The following PIP4K2A variants were observed in gnomAD, a reference collection of about 807,000 sequenced individuals.
PIP4K2A encodes the protein phosphatidylinositol-5-phosphate 4-kinase type 2 alpha.
A neutral mutation model predicts 42.9 loss-of-function variants in PIP4K2A; 14 were observed. The ratio of observed to expected loss-of-function variants is 0.33; its 90% confidence interval spans 0.22 to 0.51. PIP4K2A has a LOEUF of 0.51. Ranked by LOEUF, PIP4K2A falls within the 20% of genes least tolerant of loss-of-function variation. The probability of loss-of-function intolerance (pLI) is 0.97; values close to 1 mark genes in which losing one functional copy is unlikely to be tolerated. For missense variants in PIP4K2A, 434 were observed against 519.8 expected (o/e 0.83, Z 1.61); for synonymous variants, 192 against 192.2 (o/e 1.00, Z 0.01).
At chr10:22,571,551 G>A (rs927895411) in intron 5 of PIP4K2A, among the ~76,000 whole-genome samples, 1 of 152,100 alleles carries the variant, frequency 6.6e-6, no homozygotes, top group African/African-American at 2.4e-5. Flanking sequence ...GTTCCAAATG[G>A]CAAGTGCATG....
chr10:22,557,439 A>G (rs935597592), intron 6 of PIP4K2A, among the ~76,000 whole-genome samples: 4 of 152,348 alleles, frequency 2.6e-5, no homozygotes, highest in South Asian at 2.1e-4. Flanking sequence ...TGTGTTTACC[A>G]AAAGAGTTAA....
chr10:22,557,779 G>A (rs1836587853), intron 6 of PIP4K2A, among the ~76,000 whole-genome samples: 1 of 152,114 alleles, frequency 6.6e-6, no homozygotes, highest in South Asian at 2.1e-4. Context: ...CCAACAGTAT[G>A]GGTAAATGGC....
intron 5 of PIP4K2A, among the ~76,000 whole-genome samples, chr10:22,569,840 T>C (rs1420980165): frequency 6.6e-6 from 1 of 151,022 alleles, no homozygotes; most frequent in Non-Finnish European, 1.5e-5. Context: ...TTAAAAAAAA[T>C]AGAAAAGGAA....
At chr10:22,640,460 G>C (rs1007373704) in intron 1 of PIP4K2A, among the ~76,000 whole-genome samples, 1 of 152,180 alleles carries the variant, frequency 6.6e-6, no homozygotes, top group Non-Finnish European at 1.5e-5. Context: ...TGCATGTGAA[G>C]CATGAAGGGG....
intron 3 of PIP4K2A, among the ~76,000 whole-genome samples, chr10:22,603,529 A>G (rs1245127773): frequency 6.6e-6 from 1 of 152,192 alleles, no homozygotes; most frequent in East Asian, 1.9e-4. Context: ...GAAGAACATT[A>G]CAAATCAAGA....
At chr10:22,638,079 A>G (rs1288876022) in intron 1 of PIP4K2A, among the ~76,000 whole-genome samples, 1 of 152,196 alleles carries the variant, frequency 6.6e-6, no homozygotes, top group Non-Finnish European at 1.5e-5. Context: ...CAAAGAACAC[A>G]GTGGAATTTG....
chr10:22,640,563 A>G (rs926388881), intron 1 of PIP4K2A, among the ~76,000 whole-genome samples: 3 of 152,166 alleles, frequency 2.0e-5, no homozygotes, highest in Admixed American at 1.3e-4. Context: ...GCTGTGTAGC[A>G]GGGTGGAGTG....
chr10:22,587,686 C>T (rs763249303), intron 4 of PIP4K2A, among the ~76,000 whole-genome samples: 4 of 152,142 alleles, frequency 2.6e-5, no homozygotes, highest in Non-Finnish European at 5.9e-5. Flanking sequence ...CAGTAATATT[C>T]ATCAAAATCT....
chr10:22,635,799 A>T (rs1460246918), intron 1 of PIP4K2A, among the ~76,000 whole-genome samples: 4 of 152,202 alleles, frequency 2.6e-5, no homozygotes, highest in Non-Finnish European at 5.9e-5. Flanking sequence ...ATGCAGGACC[A>T]AGCAACAGGT....
intron 1 of PIP4K2A, among the ~76,000 whole-genome samples, chr10:22,688,943 C>T (rs1839810623): frequency 6.6e-6 from 1 of 152,198 alleles, no homozygotes; most frequent in African/African-American, 2.4e-5. Flanking sequence ...TATAATTTAT[C>T]ACCCATCTCA....
chr10:22,546,090 CAA>C (rs1327743537), intron 7 of PIP4K2A, among the ~76,000 whole-genome samples: 12 of 152,338 alleles, frequency 7.9e-5, no homozygotes, highest in South Asian at 2.1e-4. Flanking sequence ...ATTCAAGAAA[CAA>C]AGAGTCTGAT....
chr10:22,600,232 C>G (rs1197110938), intron 3 of PIP4K2A, among the ~76,000 whole-genome samples: 1 of 151,750 alleles, frequency 6.6e-6, no homozygotes, highest in African/African-American at 2.4e-5. Flanking sequence ...CGTTTGTATA[C>G]ATTCTGCTAA....
Position 22,611,412 on chromosome 10 carries a change from C to CA in PIP4K2A, c.145-1696dup, listed in dbSNP as rs1389547171. On this transcript the variant is annotated intron_variant, in intron 1 of 9. Transcript: ENST00000376573. ...CTGTTAAACAAAAAACAAACAACAA[C>CA]AACAAAAAAAAAACAAAAAAAAGCA... Among the ~76,000 whole-genome samples the CA allele has an allele frequency of 5.9e-3, 399 of 68,036 alleles. 1 individual carries two copies. Among genetic ancestry groups the CA allele is most frequent in the Admixed American group, 8.2e-3 (45 of 5,464 alleles). 44.6% of individuals were successfully genotyped at this position (68,036 alleles called of 152,430 possible).
rs542162413 is a variant in PIP4K2A, at chr10:22,645,232, G to C, written c.145-35515C>G. Among the ~76,000 whole-genome samples the C allele has an allele frequency of 2.9e-3, 436 of 152,308 alleles. 3 individuals carry two copies. The highest frequency in any genetic ancestry group is 6.8e-3 in the Middle Eastern group (2 of 294). ...TTAATGCTCACGTATAACACCACTA[G>C]TGTGTCTGGTTAGTTATTAAAAATG... On this transcript the variant is annotated intron_variant, in intron 1 of 9. Transcript: ENST00000376573.
At chr10:22,574,342 C>G (rs191752592) in intron 4 of PIP4K2A, among the ~76,000 whole-genome samples, 2 of 152,126 alleles carry the variant, frequency 1.3e-5, no homozygotes, top group African/African-American at 4.8e-5. Context: ...GATTCCATTA[C>G]TGTAAACACC....
chr10:22,616,227 AG>A (rs1283455089), intron 1 of PIP4K2A, among the ~76,000 whole-genome samples: 1 of 152,064 alleles, frequency 6.6e-6, no homozygotes, highest in Non-Finnish European at 1.5e-5. Context: ...TGGCAGGGAG[AG>A]GGAGGAAGCC....
rs1244657281 is a variant in PIP4K2A, at chr10:22,664,146, TATATACAC to T, written c.144+50029_144+50036del. Among the ~76,000 whole-genome samples, 73 of 26,274 alleles carry T rather than the reference TATATACAC, an allele frequency of 2.8e-3. 1 individual carries two copies. The highest frequency in any genetic ancestry group is 6.3e-3 in the East Asian group (9 of 1,430). The allele number at this position is 26,274 out of a possible 152,430, so 17.2% of individuals were successfully genotyped here. Reference sequence around the variant, plus strand: ...ATATATATACATATATATATACATATATATACACATATATATATATACATATATATATA... The same window carrying T: ...ATATATATACATATATATATACATATATATATATATATACATATATATATA... On this transcript the variant is annotated intron_variant, in intron 1 of 9. Coordinates refer to ENST00000376573, the MANE Select transcript of PIP4K2A (RefSeq NM_005028.5).
intron 4 of PIP4K2A, among the ~76,000 whole-genome samples, chr10:22,576,257 C>T (rs756683750): frequency 7.9e-5 from 12 of 152,166 alleles, no homozygotes; most frequent in African/African-American, 1.2e-4. Context: ...AGTGGAGGAA[C>T]ATTTAACTGG....
intron 6 of PIP4K2A, among the ~76,000 whole-genome samples, chr10:22,562,082 C>A (rs150783211): frequency 2.9e-4 from 44 of 152,122 alleles, no homozygotes; most frequent in African/African-American, 1.0e-3. Context: ...TTTTCCCCCC[C>A]GATGTCTGAT....
Sources: allele counts gnomAD v4.1 joint callset (sites outside exome capture counted in the v4.1 genomes callset), GRCh38; gene constraint gnomAD v4.1.1; transcripts MANE v1.5; gene names NCBI Gene and HGNC (gene_info 2026-07-23, HGNC 2026-07-21).